The following B3GAT2 variants were observed in gnomAD, a reference collection of about 807,000 sequenced individuals.
B3GAT2 encodes the protein galactosylgalactosylxylosylprotein 3-beta-glucuronosyltransferase 2.
In B3GAT2, 26 loss-of-function variants were observed where a neutral mutation model predicts 27.8. The observed-to-expected ratio is 0.93, with a 90% CI of 0.68 to 1.30. The LOEUF is 1.30. Among genes scored for constraint, B3GAT2 ranks in the 50% most tolerant of loss-of-function variants. B3GAT2 has a pLI of 0.00. For missense variants in B3GAT2, 458 were observed against 459.0 expected (o/e 1.00, Z 0.02); for synonymous variants, 218 against 195.1 (o/e 1.12, Z -0.98).
intron 2 of B3GAT2, among the ~76,000 whole-genome samples, chr6:70,877,403 C>A (rs1395203021): frequency 2.6e-5 from 4 of 152,200 alleles, no homozygotes; most frequent in Non-Finnish European, 5.9e-5. Flanking sequence ...CAGTTTTCCC[C>A]CGACCCTCTG....
intron 2 of B3GAT2, among the ~76,000 whole-genome samples, chr6:70,869,434 A>C (rs1333278195): frequency 2.0e-5 from 3 of 152,224 alleles, no homozygotes; most frequent in Non-Finnish European, 4.4e-5. Flanking sequence ...AATTTTTACA[A>C]AAAGGGCAGC....
Position 70,858,991 on chromosome 6 carries a change from G to A in B3GAT2, c.*2672C>T, listed in dbSNP as rs923306177. The A allele has an allele frequency of 5.5e-6, 1 of 180,598 alleles. No individual in the cohort carries two copies. The highest frequency in any genetic ancestry group is 1.2e-5 in the Non-Finnish European group (1 of 86,262). 11.2% of individuals were successfully genotyped at this position (180,598 alleles called of 1,614,324 possible). A position where few individuals can be genotyped will look rare whatever the true frequency, so the allele number is the denominator to read the frequency against. ...TGCACAGACAAAGGCTCTTAGAGAG[G>A]TTCATGCTCCCACTCTTCTTCCTTT... On this transcript the variant is annotated 3_prime_UTR_variant, in exon 4 of 4. Transcript: ENST00000230053.
intron 1 of B3GAT2, among the ~76,000 whole-genome samples, chr6:70,938,513 G>A (rs901814789): frequency 7.1e-6 from 1 of 140,646 alleles, no homozygotes; most frequent in Admixed American, 7.6e-5. Flanking sequence ...ATACTACAAG[G>A]CTACAGTAAC....
chr6:70,899,759 A>G (rs1168389229), intron 1 of B3GAT2, among the ~76,000 whole-genome samples: 1 of 152,094 alleles, frequency 6.6e-6, no homozygotes, highest in African/African-American at 2.4e-5. Flanking sequence ...CACTCCTGGG[A>G]TCTGTCCTTT....
At chr6:70,904,669 CTG>C (rs1443594758) in intron 1 of B3GAT2, among the ~76,000 whole-genome samples, 1 of 152,136 alleles carries the variant, frequency 6.6e-6, no homozygotes, top group Non-Finnish European at 1.5e-5. Flanking sequence ...CCTGGCCAAT[CTG>C]TGAACGATTT....
At chr6:70,863,180 C>G (rs1019978784) in intron 2 of B3GAT2, among the ~76,000 whole-genome samples, 9 of 152,146 alleles carry the variant, frequency 5.9e-5, no homozygotes, top group African/African-American at 2.2e-4. Flanking sequence ...CTCCGGGCAC[C>G]AACCCACAAA....
chr6:70,928,604 T>C (rs1305019553), intron 1 of B3GAT2, among the ~76,000 whole-genome samples: 4 of 152,236 alleles, frequency 2.6e-5, no homozygotes, highest in Admixed American at 6.5e-5. Context: ...GAAAAATTCC[T>C]GGACACATAC....
At chr6:70,873,910 TTCTA>T (rs1771975595) in intron 2 of B3GAT2, among the ~76,000 whole-genome samples, 1 of 152,116 alleles carries the variant, frequency 6.6e-6, no homozygotes, top group Middle Eastern at 3.2e-3. Flanking sequence ...AATATATAAT[TTCTA>T]TCTCTTTATT....
intron 1 of B3GAT2, among the ~76,000 whole-genome samples, chr6:70,921,361 G>T (rs987511634): frequency 1.3e-5 from 2 of 152,028 alleles, no homozygotes; most frequent in African/African-American, 4.8e-5. Context: ...TCCTCAGCTT[G>T]GTCTATTCTG....
intron 1 of B3GAT2, among the ~76,000 whole-genome samples, chr6:70,946,140 G>A (rs750151372): frequency 0.24 from 35,770 of 151,488 alleles, 4,487 homozygotes; most frequent in Middle Eastern, 0.28. Flanking sequence ...AAAGACCATC[G>A]AGGCTAGGAA....
intron 1 of B3GAT2, among the ~76,000 whole-genome samples, chr6:70,931,004 A>T (rs1291699563): frequency 6.6e-6 from 1 of 152,220 alleles, no homozygotes; most frequent in Non-Finnish European, 1.5e-5. Context: ...CTATGCAGCC[A>T]TAAAAAAGAG....
chr6:70,864,692 G>GA (rs892297761), intron 2 of B3GAT2, among the ~76,000 whole-genome samples: 10 of 152,156 alleles, frequency 6.6e-5, no homozygotes, highest in Non-Finnish European at 1.3e-4. Flanking sequence ...TACTTTTGGG[G>GA]AATCTGACCC....
chr6:70,892,333 C>A (rs570953811), intron 2 of B3GAT2, among the ~76,000 whole-genome samples: 1 of 152,250 alleles, frequency 6.6e-6, no homozygotes, highest in African/African-American at 2.4e-5. Context: ...CTAGGGGAAC[C>A]AATGCAAATA....
In B3GAT2 at chr6:70,956,283, G is replaced by C. The variant is rs1574490; in HGVS notation, c.147C>G (p.Gly49=). 3 of 1,603,090 alleles carry C rather than the reference G, an allele frequency of 1.9e-6. No individual in the cohort carries two copies. Among genetic ancestry groups the C allele is most frequent in the Admixed American group, 1.7e-5 (1 of 58,330 alleles). The change falls in exon 1 of 4, where the codon GGC becomes GGG. Residue 49 remains glycine (G), a synonymous_variant. Coordinates refer to ENST00000230053, the MANE Select transcript of B3GAT2 (RefSeq NM_080742.3). The stretch of plus-strand genomic sequence containing the variant: ...CGCCCCTGCGGAGCGGGAGTCGGGC[G>C]CCCCCGCGGCCCACCGCGTAGGGAG... The part of the protein sequence containing the change: ...YFSPYAVGRG[G]ARLPLRRGGP...
chr6:70,950,054 T>C (rs1432657412), intron 1 of B3GAT2, among the ~76,000 whole-genome samples: 2 of 98,384 alleles, frequency 2.0e-5, no homozygotes, highest in Non-Finnish European at 4.0e-5. Flanking sequence ...GGGACTGTTG[T>C]GGGGTGGGGG....
rs532736092 is a variant in B3GAT2 at position 70,862,069 on chromosome 6, T to C, written c.737-91A>G. ...TAATTTTGGTCACATCAAAACAGTT[T>C]TTAAAATACCTACTGTGTGTCAGGT... On this transcript the variant is annotated intron_variant, in intron 2 of 3. Transcript: ENST00000230053. The C allele has an allele frequency of 2.5e-4, 299 of 1,195,938 alleles. No individual in the cohort carries two copies. The African/African-American group carries it at 4.3e-3, about 17-fold the overall frequency. 74.1% of individuals were successfully genotyped at this position (1,195,938 alleles called of 1,614,324 possible).
intron 1 of B3GAT2, among the ~76,000 whole-genome samples, chr6:70,927,139 C>T (rs1191133920): frequency 2.0e-5 from 3 of 152,174 alleles, no homozygotes; most frequent in Non-Finnish European, 4.4e-5. Context: ...GAGATTTTGT[C>T]ACCACCAGGC....
At position 70,859,363 on chromosome 6, in the gene B3GAT2, C is replaced by CCAT. The variant is rs201201431; in HGVS notation, c.*2297_*2299dup. The CCAT allele has an allele frequency of 0.033, 51,476 of 1,547,556 alleles. 1,025 individuals carry two copies. Among genetic ancestry groups the CCAT allele is most frequent in the Non-Finnish European group, 0.04 (45,472 of 1,144,870 alleles). ...AAGGGTGATGCTGTTCTCCAGCACT[C>CCAT]CATCAGTGCAATCTACTGGCCAATG... is the stretch of plus-strand genomic sequence containing the variant. On this transcript the variant is annotated 3_prime_UTR_variant, in exon 4 of 4. Coordinates refer to ENST00000230053, the MANE Select transcript of B3GAT2 (RefSeq NM_080742.3).
chr6:70,918,658 T>C (rs1772816534), intron 1 of B3GAT2, among the ~76,000 whole-genome samples: 1 of 152,194 alleles, frequency 6.6e-6, no homozygotes, highest in Non-Finnish European at 1.5e-5. Context: ...TTATGAAGCT[T>C]AGTTTGGCTG....
Sources: allele counts gnomAD v4.1 joint callset (sites outside exome capture counted in the v4.1 genomes callset), GRCh38; gene constraint gnomAD v4.1.1; transcripts MANE v1.5; gene names NCBI Gene and HGNC (gene_info 2026-07-23, HGNC 2026-07-21).